The following SLC71A2 variants were observed in gnomAD, a reference collection of about 807,000 sequenced individuals.
SLC71A2 encodes hippocampus abundant transcript-like 1.
the SLC71A2 span, among the ~76,000 whole-genome samples, chr9:94,386,890 G>T: frequency 2.0e-5 from 3 of 152,018 alleles, no homozygotes; most frequent in Non-Finnish European, 4.4e-5. Context: ...TGATTTTGTG[G>T]CTCTTTCTTG....
the SLC71A2 span, chr9:94,459,584 T>TC: frequency 1.8e-6 from 1 of 556,258 alleles, no homozygotes; most frequent in South Asian, 2.9e-5. Context: ...TTTTTTTTTT[T>TC]CTCTTACATT....
chr9:94,406,655 G>A, the SLC71A2 span, among the ~76,000 whole-genome samples: 1 of 152,186 alleles, frequency 6.6e-6, no homozygotes, highest in Non-Finnish European at 1.5e-5. Flanking sequence ...TTACAGGTGT[G>A]AGCCACTGGA....
the SLC71A2 span, chr9:94,445,243 A>C: frequency 1.5e-6 from 2 of 1,355,288 alleles, no homozygotes; most frequent in East Asian, 2.5e-5. Context: ...AGCAAATGAA[A>C]GTATGTATGT....
At chr9:94,430,206 C>G in the SLC71A2 span, among the ~76,000 whole-genome samples, 1 of 139,714 alleles carries the variant, frequency 7.2e-6, no homozygotes, top group Non-Finnish European at 1.5e-5. Flanking sequence ...CCTGACTGTT[C>G]CTCATTCTTT....
the SLC71A2 span, among the ~76,000 whole-genome samples, chr9:94,456,676 G>GA: frequency 6.6e-6 from 1 of 152,092 alleles, no homozygotes; most frequent in Non-Finnish European, 1.5e-5. Flanking sequence ...ATTAAATAAT[G>GA]AAAAACCAGT....
chr9:94,391,236 G>A, the SLC71A2 span, among the ~76,000 whole-genome samples: 4 of 151,356 alleles, frequency 2.6e-5, no homozygotes, highest in East Asian at 7.7e-4. Flanking sequence ...GAGCTTGGCG[G>A]TGTGTGTCTG....
the SLC71A2 span, chr9:94,374,639 G>A: frequency 6.5e-6 from 1 of 153,630 alleles, no homozygotes; most frequent in African/African-American, 2.4e-5. Context: ...TCTTCTGCTA[G>A]CCTGATCCGC....
chr9:94,393,762 T>G, the SLC71A2 span, among the ~76,000 whole-genome samples: 2 of 144,944 alleles, frequency 1.4e-5, no homozygotes, highest in Non-Finnish European at 3.1e-5. Flanking sequence ...GTTGCTGCTA[T>G]TGTTGCTGCT....
chr9:94,410,308 C>T, the SLC71A2 span, among the ~76,000 whole-genome samples: 2 of 152,084 alleles, frequency 1.3e-5, no homozygotes, highest in African/African-American at 4.8e-5. Flanking sequence ...GTTGTCTATA[C>T]TGGTCTTGAA....
chr9:94,451,712 T>C, the SLC71A2 span, among the ~76,000 whole-genome samples: 1 of 152,368 alleles, frequency 6.6e-6, no homozygotes, highest in South Asian at 2.1e-4. Context: ...CTGATGTGAA[T>C]GTGGTCCACA....
the SLC71A2 span, chr9:94,454,103 C>T: frequency 7.0e-7 from 1 of 1,429,922 alleles, no homozygotes; most frequent in Non-Finnish European, 9.9e-7. Flanking sequence ...CGTGAACTGC[C>T]AGACAGATGC....
chr9:94,414,952 C>T, the SLC71A2 span, among the ~76,000 whole-genome samples: 4 of 152,112 alleles, frequency 2.6e-5, no homozygotes, highest in East Asian at 7.7e-4. Context: ...GCCACCACAC[C>T]CAACCGAAAG....
chr9:94,376,536 AAATT>A, the SLC71A2 span, among the ~76,000 whole-genome samples: 3 of 151,160 alleles, frequency 2.0e-5, no homozygotes, highest in African/African-American at 7.3e-5. Flanking sequence ...ATAAAAAAAT[AAATT>A]GGCAGGTTGA....
the SLC71A2 span, among the ~76,000 whole-genome samples, chr9:94,415,778 A>T: frequency 6.6e-6 from 1 of 152,174 alleles, no homozygotes; most frequent in Non-Finnish European, 1.5e-5. Flanking sequence ...GACAGGAGGC[A>T]GAACTCAGGT....
At chr9:94,413,329 A>G in the SLC71A2 span, among the ~76,000 whole-genome samples, 1 of 152,202 alleles carries the variant, frequency 6.6e-6, no homozygotes. Context: ...TAATTATACC[A>G]TGGTTATAGA....
chr9:94,379,699 G>A, the SLC71A2 span, among the ~76,000 whole-genome samples: 1 of 152,102 alleles, frequency 6.6e-6, no homozygotes, highest in African/African-American at 2.4e-5. Flanking sequence ...CTGGTACTCT[G>A]CATTGATAAC....
the SLC71A2 span, among the ~76,000 whole-genome samples, chr9:94,401,685 C>T: frequency 6.6e-6 from 1 of 152,014 alleles, no homozygotes; most frequent in Non-Finnish European, 1.5e-5. Flanking sequence ...ATTTGTCTGG[C>T]TCTCATGGTC....
the SLC71A2 span, among the ~76,000 whole-genome samples, chr9:94,457,415 G>A: frequency 1.3e-5 from 2 of 151,372 alleles, no homozygotes; most frequent in African/African-American, 4.9e-5. Context: ...AAAAGTTTTA[G>A]TAAAAAACTA....
At chr9:94,380,945 C>A in the SLC71A2 span, among the ~76,000 whole-genome samples, 2 of 104,054 alleles carry the variant, frequency 1.9e-5, no homozygotes, top group East Asian at 2.4e-4. Context: ...TATTCATCAC[C>A]CTCAAATGTT....
Sources: allele counts gnomAD v4.1 joint callset (sites outside exome capture counted in the v4.1 genomes callset), GRCh38; gene constraint gnomAD v4.1.1; transcripts MANE v1.5; gene names NCBI Gene and HGNC (gene_info 2026-07-23, HGNC 2026-07-21).